PADI4: variants seen among roughly 807,000 people sequenced by gnomAD.
The protein encoded by PADI4 is protein-arginine deiminase type-4.
PADI4 carries 62 observed loss-of-function variants against 75.0 expected under a neutral mutation model. The ratio of observed to expected loss-of-function variants is 0.83; its 90% CI spans 0.67 to 1.02. The LOEUF is 1.02. Among genes scored for constraint, PADI4 ranks in the 50% least tolerant of loss-of-function variants. The probability of loss-of-function intolerance (pLI) is 0.00; values close to 1 mark genes in which losing one functional copy is unlikely to be tolerated. For synonymous variants in PADI4, 361 were observed against 348.1 expected (o/e 1.04, Z -0.41); for missense variants, 845 against 850.5 (o/e 0.99, Z 0.08).
At chr1:17,337,185 G>A (rs1338921796) in intron 4 of PADI4, among the ~76,000 whole-genome samples, 1 of 152,040 alleles carries the variant, frequency 6.6e-6, no homozygotes, top group Non-Finnish European at 1.5e-5. Flanking sequence ...ATGGAGTCAT[G>A]CTCTGTCTCC....
intron 1 of PADI4, among the ~76,000 whole-genome samples, chr1:17,325,142 A>G (rs13375202): frequency 0.33 from 50,603 of 152,190 alleles, 9,454 homozygotes; most frequent in East Asian, 0.59. Flanking sequence ...AAGTTCCATA[A>G]GAAACCCTAA....
chr1:17,354,673 C>T lies in PADI4; in HGVS notation c.1296C>T (p.Asp432=). The change falls in exon 11 of 16, where the codon GAC becomes GAT. Residue 432 remains aspartate (D), a synonymous_variant. Transcript: ENST00000375448. The stretch of plus-strand genomic sequence containing the variant: ...CGCTGGGCAGGATTCTCTTCGGGGA[C>T]AGCTGTTATCCCAGGTAAGGAGGGG... ...EYPLGRILFG[D]SCYPSNDSRQ... is the part of the protein sequence containing the mutation. 6.2e-7 allele frequency: 1 copy of T among 1,607,546 alleles called. No individual in the cohort carries two copies. Among genetic ancestry groups the T allele is most frequent in the Non-Finnish European group, 8.5e-7 (1 of 1,176,254 alleles).
At chr1:17,363,373 T>C in intron 15 of PADI4, 149 bp from the exon 16 acceptor site, 1 of 608,328 alleles carries the variant, frequency 1.6e-6, no homozygotes, top group Non-Finnish European at 3.0e-6. Context: ...TCCTCCTGCC[T>C]CAGCCTCCCA....
chr1:17,346,144 G>A lies in PADI4; in HGVS notation c.1047+5G>A. The A allele has an allele frequency of 1.3e-6, 2 of 1,583,420 alleles. No individual in the cohort carries two copies. Among genetic ancestry groups the A allele is most frequent in the South Asian group, 1.1e-5 (1 of 90,464 alleles). The stretch of plus-strand genomic sequence containing the variant: ...ATGGATGACCAGTGGATGCAGGTAT[G>A]TGCCCTGCGGGGCAGGCAGGGTGAC... On this transcript the variant is annotated splice_donor_5th_base_variant and intron_variant, in intron 9 of 15. Transcript: ENST00000375448. This position sits in a 1 kb window ranked among gnomAD's most constrained non-coding sequence, Gnocchi z 4.3.
At chr1:17,313,169 G>A (rs924142977) in intron 1 of PADI4, among the ~76,000 whole-genome samples, 2 of 151,486 alleles carry the variant, frequency 1.3e-5, no homozygotes, top group Non-Finnish European at 2.9e-5. Context: ...CAGCCTAGGC[G>A]ACAGAGCGAG....
At chr1:17,351,930 C>CA (rs2074635587) in intron 10 of PADI4, among the ~76,000 whole-genome samples, 1 of 146,724 alleles carries the variant, frequency 6.8e-6, no homozygotes, top group Non-Finnish European at 1.5e-5. Flanking sequence ...GTAGGAGAGG[C>CA]GGTCAGGGAG....
intron 6 of PADI4, among the ~76,000 whole-genome samples, chr1:17,340,387 T>C (rs1011073340): frequency 6.6e-6 from 1 of 150,866 alleles, no homozygotes; most frequent in Admixed American, 6.6e-5. Context: ...GGATGTGGAG[T>C]GAGGAGTGGA....
At chr1:17,360,856 G>A (rs113534568) in intron 15 of PADI4, among the ~76,000 whole-genome samples, 2,807 of 134,290 alleles carry the variant, frequency 0.021, 90 homozygotes, top group African/African-American at 0.073. Flanking sequence ...TAGGCTGAGT[G>A]GGATTCACCT....
intron 15 of PADI4, among the ~76,000 whole-genome samples, chr1:17,360,404 A>G (rs74058738): frequency 0.019 from 2,899 of 152,002 alleles, 81 homozygotes; most frequent in African/African-American, 0.065. Flanking sequence ...TTATGTCCCT[A>G]TCTGGTTGGG....
intron 3 of PADI4, chr1:17,334,567 T>G (rs1320604029): frequency 4.4e-6 from 2 of 455,670 alleles, no homozygotes; most frequent in Non-Finnish European, 8.8e-6. Flanking sequence ...GCTCCCAAAG[T>G]GCTCGGATTA....
chr1:17,363,269 C>T (rs1206682279), intron 15 of PADI4, among the ~76,000 whole-genome samples: 1 of 152,166 alleles, frequency 6.6e-6, no homozygotes, highest in African/African-American at 2.4e-5. Context: ...CAGGCACGCA[C>T]CACCATGCCA....
intron 1 of PADI4, among the ~76,000 whole-genome samples, chr1:17,316,498 G>T (rs1459514341): frequency 6.6e-6 from 1 of 151,510 alleles, no homozygotes; most frequent in Non-Finnish European, 1.5e-5. Context: ...GACCATCCTG[G>T]CTAACACAGT....
chr1:17,314,968 G>C (rs1195969301), intron 1 of PADI4, among the ~76,000 whole-genome samples: 1 of 152,180 alleles, frequency 6.6e-6, no homozygotes, highest in South Asian at 2.1e-4. Context: ...CAATCTCCCC[G>C]AGGCCCAGGT....
intron 10 of PADI4, among the ~76,000 whole-genome samples, chr1:17,353,632 G>A (rs2074706556): frequency 6.6e-6 from 1 of 152,070 alleles, no homozygotes; most frequent in Admixed American, 6.5e-5. Context: ...CTACATCCTA[G>A]TCCCCCCGAA....
At chr1:17,359,234 C>CCCCCTCCCCCA in intron 14 of PADI4, 46 bp from the exon 15 acceptor site, 1 of 888,914 alleles carries the variant, frequency 1.1e-6, no homozygotes, top group South Asian at 1.5e-5. Flanking sequence ...CCCCCACCCC[C>CCCCCTCCCCCA]GACTGCCATC....
rs1206195767 is a variant in PADI4, at chr1:17,342,083, A to G, written c.793A>G (p.Ile265Val). Residue 265 changes from isoleucine to valine, a missense_variant, in exon 7 of 16, where the codon ATT (isoleucine) becomes GTT (valine). Physicochemically the swap from Ile to Val is conservative, Grantham distance 29. Transcript: ENST00000375448. ...CCCGGACACCGACTTCCCGGGGCTC[A>G]TTACCCTCACCATCTCCCTGCTGGA... is the stretch of plus-strand genomic sequence containing the variant. ...AFPDTDFPGL[I>V]TLTISLLDTS... is the part of the protein sequence containing the mutation. The G allele has an allele frequency of 6.2e-7, 1 of 1,614,044 alleles. No individual in the cohort carries two copies. Among genetic ancestry groups the G allele is most frequent in the Non-Finnish European group, 8.5e-7 (1 of 1,179,974 alleles).
chr1:17,308,416 C>A, intron 1 of PADI4, 102 bp downstream of exon 1: 1 of 880,488 alleles, frequency 1.1e-6, no homozygotes, highest in Non-Finnish European at 1.8e-6. Context: ...GCTCTAGGCT[C>A]CAGCCTCTGC....
chr1:17,329,376 A>G (rs557783555), intron 1 of PADI4, among the ~76,000 whole-genome samples: 1 of 152,196 alleles, frequency 6.6e-6, no homozygotes, highest in Non-Finnish European at 1.5e-5. Context: ...TCCAAAACTT[A>G]ACTACTAATA....
chr1:17,336,318 C>A, intron 4 of PADI4, 92 bp downstream of exon 4: 1 of 832,420 alleles, frequency 1.2e-6, no homozygotes, highest in Non-Finnish European at 2.1e-6. Context: ...GCCTGTCCCA[C>A]GTATTCCGTG....
Sources: allele counts gnomAD v4.1 joint callset (sites outside exome capture counted in the v4.1 genomes callset), GRCh38; gene constraint gnomAD v4.1.1; non-coding constraint Gnocchi (gnomAD v3.1); transcripts MANE v1.5; gene names NCBI Gene and HGNC (gene_info 2026-07-23, HGNC 2026-07-21).